LIN52: variants seen among roughly 807,000 people sequenced by gnomAD.
The protein encoded by LIN52 is lin-52 DREAM MuvB core complex component, also known as protein lin-52 homolog.
LIN52 carries 4 observed loss-of-function variants against 18.5 expected under a neutral mutation model. The observed-to-expected ratio is 0.22, with a 90% CI of 0.11 to 0.49. LIN52 has a LOEUF of 0.49. Ranked by LOEUF, LIN52 falls within the 20% of genes least tolerant of loss-of-function variation. The pLI, the probability that LIN52 is intolerant of heterozygous loss-of-function variation, is 0.97. For synonymous variants in LIN52, 34 were observed against 45.5 expected, an observed-to-expected ratio of 0.75 and a Z score of 1.02; for missense variants, 102 against 139.5, an observed-to-expected ratio of 0.73 and a Z score of 1.35.
At chr14:74,185,314 T>TTTC (rs1384013881) in intron 5 of LIN52, among the ~76,000 whole-genome samples, 4 of 126,948 alleles carry the variant, frequency 3.2e-5, no homozygotes, top group Non-Finnish European at 5.0e-5. Flanking sequence ...GATTTCTTTT[T>TTTC]TTTTTTTTTT....
chr14:74,177,290 GC>G (rs1195068543), intron 5 of LIN52, among the ~76,000 whole-genome samples: 4 of 152,080 alleles, frequency 2.6e-5, no homozygotes, highest in African/African-American at 9.7e-5. Flanking sequence ...GACCTACTGC[GC>G]CCGGCCTGTT....
At chr14:74,146,129 T>A (rs1413867851) in intron 5 of LIN52, among the ~76,000 whole-genome samples, 2 of 152,164 alleles carry the variant, frequency 1.3e-5, no homozygotes, top group Non-Finnish European at 2.9e-5. Flanking sequence ...TTTTCCCAAA[T>A]CACATTTTGG....
intron 5 of LIN52, among the ~76,000 whole-genome samples, chr14:74,166,202 T>C (rs2061249143): frequency 6.7e-6 from 1 of 149,274 alleles, no homozygotes; most frequent in Non-Finnish European, 1.5e-5. Context: ...TTTCATCTAT[T>C]TTTAACAATT....
chr14:74,196,752 C>G (rs1489419564), intron 5 of LIN52, among the ~76,000 whole-genome samples: 1 of 152,162 alleles, frequency 6.6e-6, no homozygotes, highest in Non-Finnish European at 1.5e-5. Context: ...AGAGAACTTA[C>G]CCCCCTCTGG....
intron 5 of LIN52, among the ~76,000 whole-genome samples, chr14:74,156,195 G>A (rs1160864807): frequency 6.6e-6 from 1 of 152,158 alleles, no homozygotes; most frequent in African/African-American, 2.4e-5. Flanking sequence ...TAAGAAAAAA[G>A]AATTGGCATT....
intron 5 of LIN52, among the ~76,000 whole-genome samples, chr14:74,117,609 A>G (rs2139916385): frequency 6.6e-6 from 1 of 152,292 alleles, no homozygotes; most frequent in South Asian, 2.1e-4. Context: ...GTTTCTGCCC[A>G]TGGGGAAATA....
intron 2 of LIN52, among the ~76,000 whole-genome samples, chr14:74,095,149 G>GTTTTTT (rs35455851): frequency 0.011 from 1,123 of 103,688 alleles, 53 homozygotes; most frequent in South Asian, 0.03. Flanking sequence ...CCAACTAACT[G>GTTTTTT]TTTTTTTTTT....
chr14:74,137,130 T>C (rs938451812), intron 5 of LIN52, among the ~76,000 whole-genome samples: 10 of 148,666 alleles, frequency 6.7e-5, no homozygotes, highest in Non-Finnish European at 1.3e-4. Context: ...CAAACCCCCC[T>C]CTGTGTGTGT....
chr14:74,158,125 A>ATTTTTT (rs60808992), intron 5 of LIN52, among the ~76,000 whole-genome samples: 28 of 147,762 alleles, frequency 1.9e-4, no homozygotes, highest in East Asian at 1.4e-3. Context: ...ATATATATAT[A>ATTTTTT]TTTTTTTGAG....
Position 74,130,435 on chromosome 14 carries a change from T to G in LIN52, c.283+29197T>G, listed in dbSNP as rs1435866595. Among the ~76,000 whole-genome samples, 25 of 150,250 alleles carry G rather than the reference T, an allele frequency of 1.7e-4. 1 individual carries two copies. The highest frequency in any genetic ancestry group is 3.4e-3 in the Middle Eastern group (1 of 294). On this transcript the variant is annotated intron_variant, in intron 5 of 5. Transcript: ENST00000555028. ...TAGGATTACAGGCGTGTACCACCAC[T>G]CCTGGCTAATTTTAATATTTTTAGT...
intron 5 of LIN52, among the ~76,000 whole-genome samples, chr14:74,137,551 T>G (rs1174575831): frequency 7.0e-6 from 1 of 142,784 alleles, no homozygotes. Context: ...CAGGCTGGAG[T>G]GCAGTGGCGC....
Position 74,137,172 on chromosome 14 carries a change from A to ATT in LIN52, c.283+35940_283+35941dup, listed in dbSNP as rs1018776148. 1.6e-4 allele frequency among the ~76,000 whole-genome samples: 19 copies of ATT among 118,006 alleles called. No homozygotes were observed. In the East Asian group the frequency reaches 1.8e-3, roughly 11 times the overall value. 77.4% of individuals were successfully genotyped at this position (118,006 alleles called of 152,430 possible). The stretch of plus-strand genomic sequence containing the variant: ...TATATATGAATATATATATATATAT[A>ATT]TTTTTTTAATCTATATTACGTATTG... On this transcript the variant is annotated intron_variant, in intron 5 of 5. Coordinates refer to ENST00000555028, the MANE Select transcript of LIN52 (RefSeq NM_001024674.3).
intron 5 of LIN52, among the ~76,000 whole-genome samples, chr14:74,169,008 C>A (rs561440089): frequency 6.6e-6 from 1 of 152,102 alleles, no homozygotes; most frequent in South Asian, 2.1e-4. Flanking sequence ...GTGCCGAGAT[C>A]ACGCCAGTGT....
intron 5 of LIN52, among the ~76,000 whole-genome samples, chr14:74,135,550 T>A (rs1455147864): frequency 6.6e-6 from 1 of 152,178 alleles, no homozygotes; most frequent in Non-Finnish European, 1.5e-5. Context: ...CATAGCCATT[T>A]TTTTTTATCA....
At chr14:74,159,512 C>T (rs891266405) in intron 5 of LIN52, among the ~76,000 whole-genome samples, 2 of 151,770 alleles carry the variant, frequency 1.3e-5, no homozygotes, top group Non-Finnish European at 2.9e-5. Flanking sequence ...TCTGTCTTGT[C>T]CAGGCAGATT....
chr14:74,155,259 A>G (rs1484395681), intron 5 of LIN52, among the ~76,000 whole-genome samples: 4 of 152,252 alleles, frequency 2.6e-5, no homozygotes, highest in Non-Finnish European at 5.9e-5. Flanking sequence ...TTCCATAAAT[A>G]AATTAGGAAT....
chr14:74,132,893 A>G (rs1474806833), intron 5 of LIN52, among the ~76,000 whole-genome samples: 1 of 152,192 alleles, frequency 6.6e-6, no homozygotes, highest in Non-Finnish European at 1.5e-5. Context: ...GGAGAATAAA[A>G]TCTTAATATA....
At chr14:74,089,218 G>T (rs1339897476) in intron 1 of LIN52, among the ~76,000 whole-genome samples, 3 of 152,100 alleles carry the variant, frequency 2.0e-5, no homozygotes, top group Non-Finnish European at 2.9e-5. Context: ...TCATGGATTG[G>T]TTATGGAAGG....
At chr14:74,133,022 A>C (rs566524500) in intron 5 of LIN52, among the ~76,000 whole-genome samples, 2 of 152,186 alleles carry the variant, frequency 1.3e-5, no homozygotes, top group Non-Finnish European at 2.9e-5. Flanking sequence ...TTTAAAAAAA[A>C]AAACAACCCA....
Sources: gnomAD v4.1 joint callset for allele counts (sites outside exome capture counted in the v4.1 genomes callset) on GRCh38, gnomAD v4.1.1 for gene constraint, MANE v1.5 for transcripts, NCBI Gene and HGNC (gene_info 2026-07-23, HGNC 2026-07-21) for gene names.